The following ADGRL3 variants were observed in gnomAD, a reference collection of about 807,000 sequenced individuals.
ADGRL3 encodes the protein calcium-independent alpha-latrotoxin receptor 3.
In ADGRL3, 62 loss-of-function variants were observed where a neutral mutation model predicts 153.5. That is an observed-to-expected ratio of 0.40 (90% CI 0.33 to 0.50). The LOEUF is 0.50. Among genes scored for constraint, ADGRL3 ranks in the 20% least tolerant of loss-of-function variants. The probability of loss-of-function intolerance (pLI) is 0.47; values close to 1 mark genes in which losing one functional copy is unlikely to be tolerated. For missense variants in ADGRL3, 1,641 were observed against 1,859.4 expected (o/e 0.88, Z 2.16); for synonymous variants, 710 against 672.5 (o/e 1.06, Z -0.86).
intron 8 of ADGRL3, among the ~76,000 whole-genome samples, chr4:61,748,764 A>T (rs1319881351): frequency 6.6e-6 from 1 of 152,128 alleles, no homozygotes; most frequent in Non-Finnish European, 1.5e-5. Context: ...ACCCTAGAAG[A>T]AAACCTAGGC....
intron 8 of ADGRL3, among the ~76,000 whole-genome samples, chr4:61,745,490 A>G (rs2151970603): frequency 1.3e-5 from 2 of 152,356 alleles, no homozygotes; most frequent in East Asian, 3.9e-4. Flanking sequence ...AGGGAAGCCC[A>G]TCAGACTAAC....
chr4:61,793,879 T>C (rs1235019579), intron 8 of ADGRL3, among the ~76,000 whole-genome samples: 1 of 152,150 alleles, frequency 6.6e-6, no homozygotes, highest in Non-Finnish European at 1.5e-5. Flanking sequence ...CCTAAATCTA[T>C]ACTATGAATG....
intron 9 of ADGRL3, among the ~76,000 whole-genome samples, chr4:61,866,033 G>C (rs1336251427): frequency 6.6e-6 from 1 of 152,066 alleles, no homozygotes; most frequent in Non-Finnish European, 1.5e-5. Context: ...TTTCCTTTTT[G>C]TGCTCCTGGG....
chr4:61,556,649 C>T (rs1430728263), intron 4 of ADGRL3, among the ~76,000 whole-genome samples: 2 of 152,146 alleles, frequency 1.3e-5, no homozygotes, highest in Non-Finnish European at 2.9e-5. Flanking sequence ...CTGGACTCAA[C>T]AAACACAGAT....
intron 5 of ADGRL3, among the ~76,000 whole-genome samples, chr4:61,659,588 C>T (rs1256042069): frequency 1.3e-5 from 2 of 152,070 alleles, no homozygotes; most frequent in Non-Finnish European, 2.9e-5. Context: ...TGATAACCGG[C>T]TTTATATTAT....
chr4:61,990,385 G>A (rs1448290896), intron 19 of ADGRL3, among the ~76,000 whole-genome samples: 1 of 151,952 alleles, frequency 6.6e-6, no homozygotes, highest in Non-Finnish European at 1.5e-5. Flanking sequence ...GGAGACTGTG[G>A]ATGGATCATT....
chr4:61,618,010 C>T lies in ADGRL3; in HGVS notation c.473+30570C>T, dbSNP rs76239353. On this transcript the variant is annotated intron_variant, in intron 5 of 26. Transcript: ENST00000683033. ...TATTAGGGCTTCAATGACAGTAACACATTTGAGAGAGAGTCTAGTGGGGGA... is the reference window on the plus strand; with the variant it reads ...TATTAGGGCTTCAATGACAGTAACATATTTGAGAGAGAGTCTAGTGGGGGA... Among the ~76,000 whole-genome samples, 554 of 152,204 alleles carry T rather than the reference C, an allele frequency of 3.6e-3. 6 individuals carry two copies. Among genetic ancestry groups the T allele is most frequent in the African/African-American group, 0.012 (496 of 41,524 alleles).
chr4:61,507,090 A>T (rs1428587651), intron 3 of ADGRL3, among the ~76,000 whole-genome samples: 2 of 152,210 alleles, frequency 1.3e-5, no homozygotes, highest in Non-Finnish European at 2.9e-5. Flanking sequence ...CTCTCCATAC[A>T]AATTGACAAT....
At chr4:62,063,651 T>C (rs1440704463) in intron 25 of ADGRL3, 1 of 659,984 alleles carries the variant, frequency 1.5e-6, no homozygotes, top group African/African-American at 1.8e-5. Context: ...GGAGTTTATC[T>C]TAATTTTTTC....
chr4:61,467,988 G>A (rs914422407), intron 2 of ADGRL3, among the ~76,000 whole-genome samples: 2 of 152,062 alleles, frequency 1.3e-5, no homozygotes, highest in Non-Finnish European at 2.9e-5. Context: ...TTGTGTGCTA[G>A]GGTAGCAATA....
intron 6 of ADGRL3, among the ~76,000 whole-genome samples, chr4:61,708,116 C>A (rs1251296589): frequency 1.3e-5 from 2 of 151,928 alleles, no homozygotes; most frequent in Admixed American, 1.3e-4. Context: ...CCAAACTTAC[C>A]GTCTTCTTTT....
chr4:61,362,412 C>T (rs769787362), intron 1 of ADGRL3, among the ~76,000 whole-genome samples: 5 of 151,970 alleles, frequency 3.3e-5, no homozygotes, highest in Admixed American at 6.6e-5. Flanking sequence ...ACCCCTCCAC[C>T]TGTCCCCCAA....
intron 25 of ADGRL3, among the ~76,000 whole-genome samples, chr4:62,049,348 C>G (rs1407736011): frequency 3.9e-5 from 6 of 152,100 alleles, no homozygotes; most frequent in African/African-American, 1.2e-4. Flanking sequence ...CCCTGATCTC[C>G]TATCCTCCAT....
chr4:61,825,739 G>T (rs948890871), intron 9 of ADGRL3, among the ~76,000 whole-genome samples: 8 of 152,054 alleles, frequency 5.3e-5, no homozygotes, highest in Non-Finnish European at 1.2e-4. Flanking sequence ...AAATTATAGG[G>T]TAAAGCTAAC....
In ADGRL3 at chr4:61,413,277, C is replaced by G. The variant is rs2152280366; in HGVS notation, c.-174+30088C>G. Among the ~76,000 whole-genome samples, 4 of 152,196 alleles carry G rather than the reference C, an allele frequency of 2.6e-5. No homozygotes were observed. The South Asian group carries it at 8.3e-4, about 32-fold the overall frequency. ...TACCCTGTGTGACCTCCACTGATAC[C>G]CGGGGTCGGTGTGCCTCCTTACTGG... On this transcript the variant is annotated intron_variant, in intron 2 of 26. Coordinates refer to ENST00000683033, the MANE Select transcript of ADGRL3 (RefSeq NM_001387552.1).
intron 1 of ADGRL3, among the ~76,000 whole-genome samples, chr4:61,333,424 C>G (rs1578308436): frequency 6.6e-6 from 1 of 152,068 alleles, no homozygotes; most frequent in African/African-American, 2.4e-5. Context: ...TCCTGGGAAC[C>G]TGCCAAATTA....
At position 61,946,997 on chromosome 4, in the gene ADGRL3, G is replaced by A. The variant is rs778343508; in HGVS notation, c.2503G>A (p.Glu835Lys). ...GAATGCCAGTATGAAGTTGGGAACG[G>A]AAGCTTTGTCCACAAATCATTCTGT... ...TENASMKLGT[E>K]ALSTNHSVIV... Residue 835 changes from glutamate (E) to lysine (K), a missense_variant, in exon 16 of 27, where the codon GAA (glutamate) becomes AAA (lysine). Around this residue, in one of 5 missense-constraint regions of ADGRL3, gnomAD observed 734 missense variants for 797.0 expected, o/e 0.92. Coordinates refer to ENST00000683033, the MANE Select transcript of ADGRL3 (RefSeq NM_001387552.1). The A allele has an allele frequency of 1.9e-6, 3 of 1,613,762 alleles. No homozygotes were observed. In the Admixed American group the frequency reaches 5.0e-5, roughly 27 times the overall value.
intron 1 of ADGRL3, among the ~76,000 whole-genome samples, chr4:61,318,133 G>C (rs1378379311): frequency 6.9e-6 from 1 of 144,550 alleles, no homozygotes; most frequent in African/African-American, 2.6e-5. Context: ...GCCAAAGGTT[G>C]CAGTGAGCCA....
chr4:61,841,120 C>A (rs552910208), intron 9 of ADGRL3, among the ~76,000 whole-genome samples: 1 of 152,146 alleles, frequency 6.6e-6, no homozygotes, highest in Non-Finnish European at 1.5e-5. Flanking sequence ...ACCTCCTCCC[C>A]CTTTCTTTCT....
Sources: allele counts gnomAD v4.1 joint callset (sites outside exome capture counted in the v4.1 genomes callset), GRCh38; gene constraint gnomAD v4.1.1; regional missense constraint gnomAD v4.1.1; transcripts MANE v1.5; gene names NCBI Gene and HGNC (gene_info 2026-07-23, HGNC 2026-07-21).